Variants in SDK1 observed in about 807,000 individuals in gnomAD.
SDK1 encodes the protein sidekick cell adhesion molecule 1.
In SDK1, 157 loss-of-function variants were observed where a neutral mutation model predicts 245.5. The ratio of observed to expected loss-of-function variants is 0.64; its 90% CI spans 0.56 to 0.73. SDK1 has a LOEUF of 0.73. Among genes scored for constraint, SDK1 ranks in the 30% least tolerant of loss-of-function variants. The pLI, the probability that SDK1 is intolerant of heterozygous loss-of-function variation, is 0.00. For missense variants in SDK1, 3,583 were observed against 3,002.3 expected (o/e 1.19, Z -4.52); for synonymous variants, 1,647 against 1,278.5 (o/e 1.29, Z -6.15).
In SDK1 at chr7:3,759,376, G is replaced by A. The variant is rs528882320; in HGVS notation, c.714-62074G>A. On this transcript the variant is annotated intron_variant, in intron 4 of 44. Transcript: ENST00000404826. The stretch of plus-strand genomic sequence containing the variant: ...TGCTATATAGAAAATAAATGTGTAT[G>A]TATTTTCTGAGGAGAGCCATGTCCT... Among the ~76,000 whole-genome samples, 4 of 152,070 alleles carry A rather than the reference G, an allele frequency of 2.6e-5. No homozygotes were observed. The South Asian group carries it at 8.3e-4, about 32-fold the overall frequency.
intron 4 of SDK1, among the ~76,000 whole-genome samples, chr7:3,803,302 T>TC (rs1475438051): frequency 1.4e-4 from 21 of 151,038 alleles, no homozygotes; most frequent in African/African-American, 5.2e-4. Context: ...TTCTTTTCTT[T>TC]CTTTCTTTCT....
At chr7:3,659,108 T>A (rs1783278125) in intron 4 of SDK1, among the ~76,000 whole-genome samples, 1 of 152,194 alleles carries the variant, frequency 6.6e-6, no homozygotes, top group African/African-American at 2.4e-5. Flanking sequence ...TTTACCCAGT[T>A]GTCTTTTTCG....
At chr7:4,001,956 C>G (rs1209707521) in intron 14 of SDK1, among the ~76,000 whole-genome samples, 1 of 152,184 alleles carries the variant, frequency 6.6e-6, no homozygotes, top group Non-Finnish European at 1.5e-5. Context: ...GTGTTTCATG[C>G]CTGAATAGAG....
At position 4,090,360 on chromosome 7, in the gene SDK1, A is replaced by G. The variant is rs77495042; in HGVS notation, c.3324+10776A>G. Among the ~76,000 whole-genome samples the G allele has an allele frequency of 4.3e-3, 648 of 152,324 alleles. 9 individuals carry two copies. Among genetic ancestry groups the G allele is most frequent in the African/African-American group, 0.015 (626 of 41,566 alleles). On this transcript the variant is annotated intron_variant, in intron 22 of 44. Transcript: ENST00000404826. ...GCACCAGTGATTTTTTAAAAATTCA[A>G]TCATTTCTTCTACATTTATCCATTG...
intron 1 of SDK1, among the ~76,000 whole-genome samples, chr7:3,403,876 A>AT (rs1430538319): frequency 2.9e-4 from 37 of 128,332 alleles, no homozygotes; most frequent in Middle Eastern, 3.8e-3. Flanking sequence ...TATAATATAT[A>AT]TATTTATTTA....
intron 4 of SDK1, among the ~76,000 whole-genome samples, chr7:3,820,409 A>C (rs1442684769): frequency 1.3e-5 from 2 of 152,252 alleles, no homozygotes; most frequent in East Asian, 1.9e-4. Flanking sequence ...CGCCCTCCCA[A>C]AGTGCTGGGA....
chr7:3,354,951 A>T (rs1780753344), intron 1 of SDK1, among the ~76,000 whole-genome samples: 1 of 152,230 alleles, frequency 6.6e-6, no homozygotes, highest in African/African-American at 2.4e-5. Context: ...ACTACATGTG[A>T]AAGTGGTTTA....
intron 1 of SDK1, among the ~76,000 whole-genome samples, chr7:3,606,007 A>AT (rs2128640331): frequency 6.6e-6 from 1 of 152,206 alleles, no homozygotes; most frequent in African/African-American, 2.4e-5. Flanking sequence ...TTAATTTTGC[A>AT]TTTTTGTGAA....
intron 4 of SDK1, among the ~76,000 whole-genome samples, chr7:3,744,767 A>C (rs1562411963): frequency 6.6e-6 from 1 of 152,042 alleles, no homozygotes. Flanking sequence ...AGCGGAGATC[A>C]CACCAATGCA....
At chr7:3,504,477 G>A (rs1419570852) in intron 1 of SDK1, among the ~76,000 whole-genome samples, 1 of 152,020 alleles carries the variant, frequency 6.6e-6, no homozygotes, top group Non-Finnish European at 1.5e-5. Context: ...ATATGTTGGT[G>A]GAATAGAATT....
chr7:3,984,391 C>T (rs1450763768), intron 13 of SDK1, among the ~76,000 whole-genome samples: 5 of 152,282 alleles, frequency 3.3e-5, no homozygotes, highest in African/African-American at 9.6e-5. Flanking sequence ...CTAAGAGAAG[C>T]GTGATTTGAA....
chr7:3,775,993 A>G (rs188093637), intron 4 of SDK1, among the ~76,000 whole-genome samples: 1 of 152,318 alleles, frequency 6.6e-6, no homozygotes, highest in East Asian at 1.9e-4. Flanking sequence ...CCAGTCCCTA[A>G]CTGTGATCCT....
At chr7:4,148,717 T>C (rs1458134234) in intron 29 of SDK1, among the ~76,000 whole-genome samples, 2 of 152,204 alleles carry the variant, frequency 1.3e-5, no homozygotes, top group African/African-American at 2.4e-5. Flanking sequence ...TGTGGCTTTG[T>C]TCCTGTCTGT....
chr7:3,940,251 G>A (rs1334667872), intron 5 of SDK1, among the ~76,000 whole-genome samples: 2 of 152,254 alleles, frequency 1.3e-5, no homozygotes, highest in African/African-American at 4.8e-5. Flanking sequence ...ACAGAATAGT[G>A]ATTCAAGTTG....
intron 17 of SDK1, among the ~76,000 whole-genome samples, chr7:4,035,822 A>C (rs968163780): frequency 6.6e-6 from 1 of 152,162 alleles, no homozygotes; most frequent in African/African-American, 2.4e-5. Context: ...AACTATCAAC[A>C]TGGCCTTGTC....
chr7:3,623,695 A>G (rs183912245), intron 2 of SDK1, among the ~76,000 whole-genome samples: 2 of 152,112 alleles, frequency 1.3e-5, no homozygotes, highest in Non-Finnish European at 2.9e-5. Flanking sequence ...AGTCTAAATT[A>G]TTTTCTACTT....
intron 5 of SDK1, among the ~76,000 whole-genome samples, chr7:3,894,868 C>G (rs1373490013): frequency 6.6e-6 from 1 of 151,298 alleles, no homozygotes; most frequent in Non-Finnish European, 1.5e-5. Flanking sequence ...TTTTTTGTGT[C>G]TTTTAGTAGA....
chr7:3,577,173 C>T (rs561762984), intron 1 of SDK1, among the ~76,000 whole-genome samples: 6 of 152,158 alleles, frequency 3.9e-5, no homozygotes, highest in South Asian at 2.1e-4. Flanking sequence ...CATCTGGAAT[C>T]GCAGACCTAC....
At chr7:3,391,282 G>T (rs1781742047) in intron 1 of SDK1, among the ~76,000 whole-genome samples, 1 of 152,142 alleles carries the variant, frequency 6.6e-6, no homozygotes, top group Non-Finnish European at 1.5e-5. Context: ...TCTTAAAAAT[G>T]ACTTTTCTGT....
Sources: allele counts gnomAD v4.1 joint callset (sites outside exome capture counted in the v4.1 genomes callset), GRCh38; gene constraint gnomAD v4.1.1; transcripts MANE v1.5; gene names NCBI Gene and HGNC (gene_info 2026-07-23, HGNC 2026-07-21).